The following STXBP5L variants were observed in gnomAD, a reference collection of about 807,000 sequenced individuals.
The protein encoded by STXBP5L is syntaxin-binding protein 5-like.
A neutral mutation model predicts 144.5 loss-of-function variants in STXBP5L; 65 were observed. The observed-to-expected ratio is 0.45, with a 90% CI of 0.37 to 0.55. The LOEUF is 0.55. STXBP5L is among the 20% of genes least tolerant of loss of function. The pLI, the probability that STXBP5L is intolerant of heterozygous loss-of-function variation, is 0.00. For missense variants in STXBP5L, 1,298 were observed against 1,405.5 expected, an observed-to-expected ratio of 0.92 and a Z score of 1.22; for synonymous variants, 505 against 469.6, an observed-to-expected ratio of 1.08 and a Z score of -0.97.
intron 10 of STXBP5L, among the ~76,000 whole-genome samples, chr3:121,206,778 C>T (rs1292747170): frequency 4.6e-5 from 7 of 152,062 alleles, no homozygotes; most frequent in Admixed American, 2.0e-4. Context: ...GCTGCCACTG[C>T]CCTTCAACCT....
At chr3:121,102,812 G>A (rs1467523982) in intron 5 of STXBP5L, among the ~76,000 whole-genome samples, 1 of 152,002 alleles carries the variant, frequency 6.6e-6, no homozygotes, top group Admixed American at 6.6e-5. Flanking sequence ...TCAAACAAAG[G>A]TCAAATATCC....
intron 5 of STXBP5L, among the ~76,000 whole-genome samples, chr3:121,080,734 A>G (rs1227469037): frequency 6.6e-6 from 1 of 152,110 alleles, no homozygotes; most frequent in Non-Finnish European, 1.5e-5. Flanking sequence ...TTTTCTTTAT[A>G]GGTTATCTGA....
At chr3:121,292,070 A>G (rs903780044) in intron 19 of STXBP5L, among the ~76,000 whole-genome samples, 2 of 152,218 alleles carry the variant, frequency 1.3e-5, no homozygotes, top group African/African-American at 2.4e-5. Flanking sequence ...TAATTAAACT[A>G]AAAACTTCCT....
At chr3:121,412,485 G>T (rs1420342239) in intron 23 of STXBP5L, among the ~76,000 whole-genome samples, 1 of 152,072 alleles carries the variant, frequency 6.6e-6, no homozygotes, top group East Asian at 1.9e-4. Flanking sequence ...AGGAAGGAAG[G>T]TTAAGCCATT....
chr3:120,981,837 G>A (rs1030472291), intron 3 of STXBP5L, among the ~76,000 whole-genome samples: 1 of 152,040 alleles, frequency 6.6e-6, no homozygotes, highest in Non-Finnish European at 1.5e-5. Flanking sequence ...TGTTTTGATG[G>A]GACATTGTTT....
intron 3 of STXBP5L, among the ~76,000 whole-genome samples, chr3:120,971,797 C>T (rs926889116): frequency 3.3e-5 from 5 of 150,988 alleles, no homozygotes; most frequent in Non-Finnish European, 7.4e-5. Flanking sequence ...TATATATACA[C>T]ACATATATAT....
At chr3:120,987,090 C>A (rs953990751) in intron 3 of STXBP5L, among the ~76,000 whole-genome samples, 5 of 151,974 alleles carry the variant, frequency 3.3e-5, no homozygotes, top group Non-Finnish European at 5.9e-5. Flanking sequence ...AGATGCTCAA[C>A]AAACTCCAGG....
At chr3:120,998,210 A>G (rs1943503917) in intron 3 of STXBP5L, among the ~76,000 whole-genome samples, 1 of 152,158 alleles carries the variant, frequency 6.6e-6, no homozygotes, top group South Asian at 2.1e-4. Flanking sequence ...CCAATTCAAC[A>G]TAGTACTGGA....
chr3:121,151,203 A>G (rs1577067891), intron 7 of STXBP5L, among the ~76,000 whole-genome samples: 1 of 152,162 alleles, frequency 6.6e-6, no homozygotes. Context: ...TAGTACAGTC[A>G]TATCAATTTT....
chr3:121,281,954 A>T (rs981318996), intron 19 of STXBP5L, among the ~76,000 whole-genome samples: 3 of 151,650 alleles, frequency 2.0e-5, no homozygotes, highest in Admixed American at 6.6e-5. Flanking sequence ...AAAACATATA[A>T]GGAAAATGTG....
chr3:121,034,647 A>T (rs1342979540), intron 3 of STXBP5L, among the ~76,000 whole-genome samples: 1 of 152,098 alleles, frequency 6.6e-6, no homozygotes. Context: ...GATTGATTCC[A>T]TGTATCTGCT....
intron 7 of STXBP5L, among the ~76,000 whole-genome samples, chr3:121,133,715 G>A (rs1465816013): frequency 6.6e-6 from 1 of 152,166 alleles, no homozygotes; most frequent in East Asian, 1.9e-4. Context: ...TACTATCTGA[G>A]ACTGGGTAAT....
intron 5 of STXBP5L, among the ~76,000 whole-genome samples, chr3:121,077,366 G>A (rs572747048): frequency 2.6e-5 from 4 of 152,276 alleles, no homozygotes; most frequent in South Asian, 2.1e-4. Flanking sequence ...AGTTCTTAAA[G>A]GCGGAGTGTT....
chr3:121,049,701 A>C (rs1248984844), intron 5 of STXBP5L: 1 of 154,058 alleles, frequency 6.5e-6, no homozygotes, highest in Non-Finnish European at 1.5e-5. Flanking sequence ...CTTGCAGGAT[A>C]AGGTCTACTG....
chr3:121,422,653 T>C lies in STXBP5L; in HGVS notation c.*3556T>C, dbSNP rs985826571. The C allele has an allele frequency of 3.9e-5, 6 of 152,116 alleles. No individual in the cohort carries two copies. Among genetic ancestry groups the C allele is most frequent in the African/African-American group, 1.4e-4 (6 of 41,448 alleles). 9.4% of individuals were successfully genotyped at this position (152,116 alleles called of 1,614,324 possible). On this transcript the variant is annotated 3_prime_UTR_variant, in exon 27 of 27. Transcript: ENST00000471454. ...AGGGCCCCAATCATTGTCAAGATCA[T>C]TGTCTAACTGGAACTCTGAAAGGAC... is the stretch of plus-strand genomic sequence containing the variant.
chr3:121,242,331 C>T (rs1371201544), intron 14 of STXBP5L, among the ~76,000 whole-genome samples: 1 of 152,032 alleles, frequency 6.6e-6, no homozygotes, highest in Non-Finnish European at 1.5e-5. Flanking sequence ...ATCACATTGT[C>T]TGGTGTGGTT....
In STXBP5L at chr3:121,354,181, T is replaced by G. The variant is rs187036955; in HGVS notation, c.2177-24535T>G. ...TGTTGATTTGGGGTGGAGAGTTCTG[T>G]AGGTGTCTATTAGGTCTGTTTGTTG... On this transcript the variant is annotated intron_variant, in intron 20 of 26. Transcript: ENST00000471454. Among the ~76,000 whole-genome samples, 117 of 152,298 alleles carry G rather than the reference T, an allele frequency of 7.7e-4. 1 individual carries two copies. Among genetic ancestry groups the G allele is most frequent in the Admixed American group, 2.0e-3 (31 of 15,294 alleles).
intron 14 of STXBP5L, among the ~76,000 whole-genome samples, chr3:121,249,495 T>C (rs1006084243): frequency 1.3e-5 from 2 of 152,174 alleles, no homozygotes; most frequent in African/African-American, 4.8e-5. Flanking sequence ...TTTCCAAATG[T>C]CTATTGCTAT....
chr3:121,109,886 G>A (rs1036578455), intron 5 of STXBP5L, among the ~76,000 whole-genome samples: 5 of 152,074 alleles, frequency 3.3e-5, no homozygotes, highest in Non-Finnish European at 5.9e-5. Context: ...TATAAATTTC[G>A]TTGCTCTTGA....
Sources: gnomAD v4.1 joint callset for allele counts (sites outside exome capture counted in the v4.1 genomes callset) on GRCh38, gnomAD v4.1.1 for gene constraint, MANE v1.5 for transcripts, NCBI Gene and HGNC (gene_info 2026-07-23, HGNC 2026-07-21) for gene names.